C9orf50: variants seen among roughly 807,000 people sequenced by gnomAD.
C9orf50 encodes the protein chromosome 9 open reading frame 50, also known as uncharacterized protein C9orf50.
In C9orf50, 33 loss-of-function variants were observed where a neutral mutation model predicts 42.5. The ratio of observed to expected loss-of-function variants is 0.78; its 90% CI spans 0.59 to 1.04. The LOEUF is 1.04. Among genes scored for constraint, C9orf50 ranks in the 50% least tolerant of loss-of-function variants. C9orf50 has a pLI of 0.00. For synonymous variants in C9orf50, 257 were observed against 273.4 expected (o/e 0.94, Z 0.59); for missense variants, 547 against 594.3 (o/e 0.92, Z 0.83).
At position 129,613,005 on chromosome 9, in the gene C9orf50, A is replaced by T; in HGVS notation, c.1188+102T>A. Reference sequence around the variant, plus strand: ...GTGACTTGGCTCTCAGGGAGGGTCCACTCCCAGCCCCAGCCACTCCACCAA... The same window carrying T: ...GTGACTTGGCTCTCAGGGAGGGTCCTCTCCCAGCCCCAGCCACTCCACCAA... On this transcript the variant is annotated intron_variant, in intron 6 of 6. Transcript: ENST00000372478. The surrounding 1 kb of genome is among the most constrained non-coding windows in gnomAD (Gnocchi z 6.2). 1 of 1,480,808 alleles carries T rather than the reference A, an allele frequency of 6.8e-7. No homozygotes were observed. The highest frequency in any genetic ancestry group is 9.2e-7 in the Non-Finnish European group (1 of 1,092,138). 91.7% of individuals were successfully genotyped at this position (1,480,808 alleles called of 1,614,324 possible).
At chr9:129,619,897 G>A (rs575982882) in intron 1 of C9orf50, 67 bp from the exon 2 acceptor site, 3 of 1,555,116 alleles carry the variant, frequency 1.9e-6, no homozygotes, top group African/African-American at 2.7e-5. Context: ...ATGTGGCCTC[G>A]GGGTGATGGC....
In C9orf50 at chr9:129,619,077, C is replaced by T. The variant is rs112066337; in HGVS notation, c.716+443G>A. ...TTGGCCAGGTAGATGAATGGATCCA[C>T]AGGACACCTGATTCATGGGTGGGTG... On this transcript the variant is annotated intron_variant, in intron 3 of 6. Transcript: ENST00000372478. Among the ~76,000 whole-genome samples the T allele has an allele frequency of 1.5e-3, 234 of 152,010 alleles. 3 individuals are homozygous for T. Among genetic ancestry groups the T allele is most frequent in the African/African-American group, 5.0e-3 (207 of 41,450 alleles).
chr9:129,615,497 C>T (rs1269451210), exon 4 of C9orf50: 1 of 1,599,218 alleles, frequency 6.3e-7, no homozygotes, highest in South Asian at 1.1e-5. Flanking sequence ...AGCGTCTGCG[C>T]TCCCAGTAGC....
Position 129,620,703 on chromosome 9 carries a change from C to T in C9orf50, c.-129G>A, listed in dbSNP as rs868287495. 8.5e-6 allele frequency: 7 copies of T among 824,292 alleles called. No individual in the cohort carries two copies. The highest frequency in any genetic ancestry group is 7.1e-5 in the African/African-American group (4 of 56,334). 51.1% of individuals were successfully genotyped at this position (824,292 alleles called of 1,614,324 possible). On this transcript the variant is annotated 5_prime_UTR_variant, in exon 1 of 7. Transcript: ENST00000372478. This position sits in a 1 kb window ranked among gnomAD's most constrained non-coding sequence, Gnocchi z 5.8. The stretch of plus-strand genomic sequence containing the variant: ...GCGGGGCAGCGCGGTGCGGGGTGAA[C>T]GCCACCGGCCCGGCGGACAGCGAGT...
exon 7 of C9orf50, chr9:129,612,256 C>A: frequency 9.0e-7 from 1 of 1,106,314 alleles, no homozygotes; most frequent in South Asian, 1.4e-5. Flanking sequence ...CAGGTCCCAG[C>A]CACCTGGGAT....
chr9:129,613,959 C>T lies in C9orf50; in HGVS notation c.881-362G>A, dbSNP rs1312174012. Among the ~76,000 whole-genome samples the T allele has an allele frequency of 6.6e-6, 1 of 152,170 alleles. No individual in the cohort carries two copies. Among genetic ancestry groups the T allele is most frequent in the African/African-American group, 2.4e-5 (1 of 41,452 alleles). Reference sequence around the variant, plus strand: ...CTCAGGGATGGGGGCTCTTCCTGTCCAACAGCAGCCATGCGAGGTGGTCCA... The same window carrying T: ...CTCAGGGATGGGGGCTCTTCCTGTCTAACAGCAGCCATGCGAGGTGGTCCA... On this transcript the variant is annotated intron_variant, in intron 4 of 6. Transcript: ENST00000372478. This position sits in a 1 kb window ranked among gnomAD's most constrained non-coding sequence, Gnocchi z 6.2.
In C9orf50 at chr9:129,613,696, C is replaced by T. The variant is rs1830201835; in HGVS notation, c.881-99G>A. 1.3e-6 allele frequency: 2 copies of T among 1,485,690 alleles called. No individual in the cohort carries two copies. Among genetic ancestry groups the T allele is most frequent in the African/African-American group, 2.8e-5 (2 of 71,922 alleles). 92.0% of individuals were successfully genotyped at this position (1,485,690 alleles called of 1,614,324 possible). ...TCTGGCAGGCAGGGCCGGTCAGAGC[C>T]CTGTCTCCATGGCAACCCCAGGCTC... On this transcript the variant is annotated intron_variant, in intron 4 of 6. Coordinates refer to ENST00000372478, the Ensembl canonical transcript of C9orf50. The surrounding 1 kb of genome is among the most constrained non-coding windows in gnomAD (Gnocchi z 6.2).
chr9:129,621,776 A>G (rs1295869364), upstream of C9orf50, among the ~76,000 whole-genome samples: 1 of 150,616 alleles, frequency 6.6e-6, no homozygotes, highest in Non-Finnish European at 1.5e-5. Context: ...ACCACACCCC[A>G]CTCCCAGATT....
chr9:129,621,231 G>A (rs1307280867), upstream of C9orf50, among the ~76,000 whole-genome samples: 1 of 152,224 alleles, frequency 6.6e-6, no homozygotes, highest in Non-Finnish European at 1.5e-5. Context: ...CCCAGCCCTG[G>A]TGCTGCCTCA....
At chr9:129,616,241 A>C (rs1055446544) in intron 3 of C9orf50, among the ~76,000 whole-genome samples, 5 of 152,162 alleles carry the variant, frequency 3.3e-5, no homozygotes, top group Non-Finnish European at 7.3e-5. Flanking sequence ...TTTGAGACAG[A>C]TTCTCGCTCT....
In C9orf50 at chr9:129,613,227, G is replaced by A. The variant is rs914252236; in HGVS notation, c.1068C>T (p.Tyr356=). 3.7e-6 allele frequency: 6 copies of A among 1,611,272 alleles called. No homozygotes were observed. The East Asian group carries it at 1.3e-4, about 36-fold the overall frequency. The stretch of plus-strand genomic sequence containing the variant: ...TGTTCATGGAGGTGTCCTCAGAAAG[G>A]TAGCCCTGTGTCTTCTGGGTGGACC... The change falls in exon 6 of 7, where the codon TAC becomes TAT. Residue 356 remains tyrosine, a synonymous_variant. Transcript: ENST00000372478. The surrounding 1 kb of genome is among the most constrained non-coding windows in gnomAD (Gnocchi z 6.2).
chr9:129,618,551 G>A (rs1178750120), intron 3 of C9orf50, among the ~76,000 whole-genome samples: 1 of 152,144 alleles, frequency 6.6e-6, no homozygotes, highest in Non-Finnish European at 1.5e-5. Flanking sequence ...GTAGGTTTGT[G>A]GATGGCTTTA....
rs1016195880 is a variant in C9orf50 at position 129,613,345 on chromosome 9, G to A, written c.1043+90C>T. ...CCTTGAGGACCCACACTGGCAACCC[G>A]CCTGCTGCTGGGTGGGGAGGTCTGT... On this transcript the variant is annotated intron_variant, in intron 5 of 6. Transcript: ENST00000372478. This position sits in a 1 kb window ranked among gnomAD's most constrained non-coding sequence, Gnocchi z 6.2. The A allele has an allele frequency of 2.0e-5, 32 of 1,568,048 alleles. No individual in the cohort carries two copies. The highest frequency in any genetic ancestry group is 3.6e-5 in the Admixed American group (2 of 55,304).
At position 129,613,555 on chromosome 9, in the gene C9orf50, A is replaced by G; in HGVS notation, c.923T>C (p.Val308Ala). 1 of 1,614,170 alleles carries G rather than the reference A, an allele frequency of 6.2e-7. No homozygotes were observed. Among genetic ancestry groups the G allele is most frequent in the Non-Finnish European group, 8.5e-7 (1 of 1,180,016 alleles). The change falls in exon 5 of 7, where the codon GTG becomes GCG. Residue 308 changes from valine to alanine, a missense_variant. Around this residue, in one of 3 missense-constraint regions of C9orf50, gnomAD observed 334 missense variants for 323.7 expected, o/e 1.03. Coordinates refer to ENST00000372478, the Ensembl canonical transcript of C9orf50. The surrounding 1 kb of genome is among the most constrained non-coding windows in gnomAD (Gnocchi z 6.2). ...ACTCCCAAACACCCGCTCGGACGCC[A>G]CTGGCAGGGCGGCCTTCTGGTTCAC...
At chr9:129,617,152 G>A (rs182768962) in intron 3 of C9orf50, among the ~76,000 whole-genome samples, 2 of 152,252 alleles carry the variant, frequency 1.3e-5, no homozygotes, top group Admixed American at 1.3e-4. Context: ...ATGGAGGAAG[G>A]TCATGGCTGA....
chr9:129,619,467 A>G, intron 3 of C9orf50, 53 bp downstream of exon 3: 1 of 1,293,418 alleles, frequency 7.7e-7, no homozygotes, highest in Non-Finnish European at 1.1e-6. Flanking sequence ...AGAAAGAAGG[A>G]AAGAAATGCC....
At chr9:129,617,596 T>C (rs1268139810) in intron 3 of C9orf50, among the ~76,000 whole-genome samples, 1 of 152,256 alleles carries the variant, frequency 6.6e-6, no homozygotes, top group Non-Finnish European at 1.5e-5. Context: ...CATACTTTTA[T>C]TTATTTGTAT....
chr9:129,612,992 T>C, intron 6 of C9orf50, 115 bp downstream of exon 6: 1 of 1,365,882 alleles, frequency 7.3e-7, no homozygotes, highest in Non-Finnish European at 1.0e-6. Flanking sequence ...GACTTGGCTC[T>C]CAGGGAGGGT....
upstream of C9orf50, among the ~76,000 whole-genome samples, chr9:129,621,075 G>A (rs765685744): frequency 3.9e-5 from 6 of 152,242 alleles, no homozygotes; most frequent in African/African-American, 7.2e-5. Context: ...GCCGTGAAAC[G>A]GCATCACCGC....
Sources: allele counts gnomAD v4.1 joint callset (sites outside exome capture counted in the v4.1 genomes callset), GRCh38; gene constraint gnomAD v4.1.1; regional missense constraint gnomAD v4.1.1; non-coding constraint Gnocchi (gnomAD v3.1); transcripts MANE v1.5; gene names NCBI Gene and HGNC (gene_info 2026-07-23, HGNC 2026-07-21).